The following GRIK2 variants were observed in gnomAD, a reference collection of about 807,000 sequenced individuals.
GRIK2 encodes glutamate ionotropic receptor kainate type subunit 2, also known as glutamate receptor ionotropic, kainate 2.
GRIK2 carries 32 observed loss-of-function variants against 100.3 expected under a neutral mutation model. The ratio of observed to expected loss-of-function variants is 0.32; its 90% CI spans 0.24 to 0.43. The LOEUF is 0.43. Ranked by LOEUF, GRIK2 falls within the 20% of genes least tolerant of loss-of-function variation. GRIK2 has a pLI of 1.00. For synonymous variants in GRIK2, 417 were observed against 389.4 expected, an observed-to-expected ratio of 1.07 and a Z score of -0.83; for missense variants, 843 against 1,114.9, an observed-to-expected ratio of 0.76 and a Z score of 3.47.
chr6:101,694,809 T>C (rs1772362973), intron 7 of GRIK2, among the ~76,000 whole-genome samples: 1 of 151,904 alleles, frequency 6.6e-6, no homozygotes, highest in Non-Finnish European at 1.5e-5. Context: ...CTATAGGTTT[T>C]CCCATATTAT....
chr6:101,472,273 G>A (rs1459553787), intron 2 of GRIK2, among the ~76,000 whole-genome samples: 5 of 151,630 alleles, frequency 3.3e-5, no homozygotes, highest in Non-Finnish European at 7.4e-5. Flanking sequence ...TTTCAAAGAT[G>A]TCCTTTCCTT....
At chr6:101,966,414 A>G (rs1017072217) in intron 14 of GRIK2, among the ~76,000 whole-genome samples, 2 of 152,152 alleles carry the variant, frequency 1.3e-5, no homozygotes, top group African/African-American at 4.8e-5. Context: ...ATGCCCAAGT[A>G]GATCTTGAGA....
intron 2 of GRIK2, among the ~76,000 whole-genome samples, chr6:101,401,306 A>G (rs1775291393): frequency 6.6e-6 from 1 of 152,158 alleles, no homozygotes; most frequent in Admixed American, 6.5e-5. Context: ...TGATCATTTC[A>G]TATCTTCATA....
At chr6:102,004,437 C>T (rs1795106841) in intron 14 of GRIK2, among the ~76,000 whole-genome samples, 2 of 151,736 alleles carry the variant, frequency 1.3e-5, no homozygotes, top group African/African-American at 4.8e-5. Context: ...TACAAATCTA[C>T]TGCTTTTATG....
intron 12 of GRIK2, among the ~76,000 whole-genome samples, chr6:101,915,419 C>T (rs1037612218): frequency 1.3e-5 from 2 of 151,008 alleles, no homozygotes; most frequent in African/African-American, 4.8e-5. Context: ...AATAATAAAA[C>T]CTAAAAGTGA....
chr6:101,424,161 G>A (rs1776564737), intron 2 of GRIK2, among the ~76,000 whole-genome samples: 1 of 151,370 alleles, frequency 6.6e-6, no homozygotes, highest in Admixed American at 6.6e-5. Context: ...TTTTTCTTCA[G>A]AATTTTTTTT....
rs562453523 is a variant in GRIK2, at chr6:101,622,482, C to T, written c.283+366C>T. On this transcript the variant is annotated intron_variant, in intron 3 of 16. Coordinates refer to ENST00000369134, the MANE Select transcript of GRIK2 (RefSeq NM_021956.5). ...CTTTATTTGCATTATCTTTCAATCC[C>T]ATTATATTATTACTGTGGTCTCAAT... 5.6e-4 allele frequency among the ~76,000 whole-genome samples: 85 copies of T among 152,058 alleles called. 2 individuals carry two copies. In the South Asian group the frequency reaches 0.014, roughly 25 times the overall value.
At chr6:101,581,280 A>G (rs1778079963) in intron 2 of GRIK2, among the ~76,000 whole-genome samples, 1 of 141,416 alleles carries the variant, frequency 7.1e-6, no homozygotes. Context: ...GTATACATGT[A>G]TACACACGTG....
At chr6:101,700,277 A>G (rs1320480058) in intron 7 of GRIK2, among the ~76,000 whole-genome samples, 2 of 152,050 alleles carry the variant, frequency 1.3e-5, no homozygotes, top group African/African-American at 4.8e-5. Context: ...CACTAAGTAC[A>G]GGACACCCCT....
intron 2 of GRIK2, among the ~76,000 whole-genome samples, chr6:101,472,458 G>A (rs1275355167): frequency 6.6e-6 from 1 of 151,720 alleles, no homozygotes; most frequent in Admixed American, 6.6e-5. Flanking sequence ...TTCCCATACT[G>A]AATATATGCA....
At chr6:102,044,293 T>C (rs1268978560) in intron 15 of GRIK2, among the ~76,000 whole-genome samples, 6 of 152,034 alleles carry the variant, frequency 3.9e-5, no homozygotes, top group Admixed American at 3.9e-4. Flanking sequence ...CTAGTGGTGC[T>C]CTCGAGCTAT....
At chr6:101,684,359 T>G (rs1771515312) in intron 6 of GRIK2, among the ~76,000 whole-genome samples, 1 of 152,206 alleles carries the variant, frequency 6.6e-6, no homozygotes, top group Admixed American at 6.5e-5. Flanking sequence ...GAAGGCCTTT[T>G]ATACTTTGAT....
chr6:101,617,936 A>ATG (rs1171897645), intron 2 of GRIK2, among the ~76,000 whole-genome samples: 1 of 151,016 alleles, frequency 6.6e-6, no homozygotes, highest in Non-Finnish European at 1.5e-5. Flanking sequence ...TCATATATAT[A>ATG]TGTGTGTGTA....
intron 1 of GRIK2, among the ~76,000 whole-genome samples, chr6:101,397,579 G>A (rs1284640162): frequency 1.3e-5 from 2 of 152,156 alleles, no homozygotes; most frequent in East Asian, 1.9e-4. Flanking sequence ...TTTGCAAAAT[G>A]TAGATTTCTC....
chr6:101,988,146 C>T (rs1161526128), intron 14 of GRIK2, among the ~76,000 whole-genome samples: 10 of 35,444 alleles, frequency 2.8e-4, no homozygotes, highest in Non-Finnish European at 1.5e-3. Flanking sequence ...CGCGCGCGCG[C>T]GCGCGCGCGT....
chr6:101,394,794 T>A (rs1774940679), intron 1 of GRIK2, among the ~76,000 whole-genome samples: 1 of 152,224 alleles, frequency 6.6e-6, no homozygotes, highest in Admixed American at 6.5e-5. Context: ...GCCTATCAAC[T>A]TCCAGTGGCC....
intron 7 of GRIK2, among the ~76,000 whole-genome samples, chr6:101,720,342 A>G (rs1279608718): frequency 2.0e-5 from 3 of 151,950 alleles, no homozygotes; most frequent in African/African-American, 2.4e-5. Flanking sequence ...TCTCTTCTTT[A>G]TCTTTTATGT....
chr6:102,053,016 C>T (rs1351110397), intron 15 of GRIK2, among the ~76,000 whole-genome samples: 1 of 151,812 alleles, frequency 6.6e-6, no homozygotes, highest in African/African-American at 2.4e-5. Flanking sequence ...TGCAGTGAGC[C>T]AAGATCCCAC....
chr6:101,730,227 G>A (rs1775165537), intron 7 of GRIK2, among the ~76,000 whole-genome samples: 1 of 151,920 alleles, frequency 6.6e-6, no homozygotes, highest in African/African-American at 2.4e-5. Flanking sequence ...TCCTTAAAGA[G>A]TAGACTAAAT....
Sources: gnomAD v4.1 joint callset for allele counts (sites outside exome capture counted in the v4.1 genomes callset) on GRCh38, gnomAD v4.1.1 for gene constraint, MANE v1.5 for transcripts, NCBI Gene and HGNC (gene_info 2026-07-23, HGNC 2026-07-21) for gene names.